TTC34: variants seen among roughly 807,000 people sequenced by gnomAD.
TTC34 encodes tetratricopeptide repeat protein 34.
Under a neutral mutation model 40.7 loss-of-function variants are expected in TTC34, and 44 were observed. The observed-to-expected ratio is 1.08, with a 90% CI of 0.85 to 1.39. TTC34 has a LOEUF of 1.39. TTC34 is among the 40% of genes most tolerant of loss of function. The probability of loss-of-function intolerance (pLI) is 0.00; values close to 1 mark genes in which losing one functional copy is unlikely to be tolerated. For synonymous variants in TTC34, 422 were observed against 398.6 expected, an observed-to-expected ratio of 1.06 and a Z score of -0.70; for missense variants, 884 against 838.0, an observed-to-expected ratio of 1.05 and a Z score of -0.68.
intron 6 of TTC34, among the ~76,000 whole-genome samples, chr1:2,772,643 AC>A (rs1216073397): frequency 6.6e-4 from 3 of 4,524 alleles, no homozygotes; most frequent in Non-Finnish European, 1.2e-3. Flanking sequence ...GTGGAACAGC[AC>A]CCCACACCCC....
At chr1:2,779,626 A>G (rs1557685408) in intron 6 of TTC34, among the ~76,000 whole-genome samples, 1 of 152,154 alleles carries the variant, frequency 6.6e-6, no homozygotes, top group Non-Finnish European at 1.5e-5. Flanking sequence ...CCCAGCTGGT[A>G]GTTCTATTTT....
At chr1:2,684,424 C>A (rs1293728397) in intron 6 of TTC34, among the ~76,000 whole-genome samples, 2 of 117,384 alleles carry the variant, frequency 1.7e-5, no homozygotes, top group South Asian at 5.5e-4. Context: ...CAGACTGGAA[C>A]ACCACCCTGC....
Position 2,677,902 on chromosome 1 carries a change from G to T in TTC34, c.2227-32339C>A. 5.3e-5 allele frequency among the ~76,000 whole-genome samples: 2 copies of T among 37,670 alleles called. 1 individual carries two copies. The allele number at this position is 37,670 out of a possible 152,430, so 24.7% of individuals were successfully genotyped here. A position where few individuals can be genotyped will look rare whatever the true frequency, so the allele number is the denominator to read the frequency against. ...GAACCGCAGCCACACCCCCAGGCGA[G>T]CATCTGACAGCCTGGAGCAGCACCC... On this transcript the variant is annotated intron_variant, in intron 6 of 8. Coordinates refer to ENST00000401095, the Ensembl canonical transcript of TTC34.
At chr1:2,799,543 C>CAA (rs915116071) in intron 2 of TTC34, among the ~76,000 whole-genome samples, 1 of 146,632 alleles carries the variant, frequency 6.8e-6, no homozygotes, top group East Asian at 2.0e-4. Context: ...AACTCCATCT[C>CAA]AAAAAAAAAA....
intron 6 of TTC34, among the ~76,000 whole-genome samples, chr1:2,684,324 G>T (rs1276110573): frequency 7.2e-6 from 1 of 138,184 alleles, no homozygotes; most frequent in African/African-American, 2.7e-5. Context: ...ACCCCCAAGT[G>T]AGCATCTGAT....
At chr1:2,790,568 C>T (rs1284553010) in intron 2 of TTC34, among the ~76,000 whole-genome samples, 1 of 152,232 alleles carries the variant, frequency 6.6e-6, no homozygotes, top group Non-Finnish European at 1.5e-5. Flanking sequence ...GGTTGAGAAC[C>T]GTGCTGGGCA....
intron 6 of TTC34, among the ~76,000 whole-genome samples, chr1:2,687,992 G>A (rs1570819567): frequency 1.0e-5 from 1 of 98,116 alleles, no homozygotes; most frequent in South Asian, 3.0e-4. Flanking sequence ...TGACAGCCTG[G>A]AACAGGACCC....
chr1:2,753,622 A>C (rs1641400598), intron 6 of TTC34, among the ~76,000 whole-genome samples: 28 of 101,448 alleles, frequency 2.8e-4, no homozygotes, highest in Admixed American at 3.9e-4. Context: ...CCACACCCAC[A>C]GGTGAGCTTC....
chr1:2,779,235 G>T (rs907824829), intron 6 of TTC34, among the ~76,000 whole-genome samples: 3 of 152,160 alleles, frequency 2.0e-5, no homozygotes, highest in Admixed American at 6.5e-5. Flanking sequence ...TATGAATATG[G>T]TGTACAAATG....
chr1:2,783,818 T>C, intron 5 of TTC34, 43 bp from the exon 6 acceptor site: 2 of 1,405,738 alleles, frequency 1.4e-6, no homozygotes, highest in Non-Finnish European at 1.9e-6. Flanking sequence ...CTATGCTGGG[T>C]CCCTTCCCCA....
Position 2,645,627 on chromosome 1 carries a change from A to G in TTC34, c.2227-64T>C. 1 of 1,406,796 alleles carries G rather than the reference A, an allele frequency of 7.1e-7. No individual in the cohort carries two copies. Among genetic ancestry groups the G allele is most frequent in the South Asian group, 1.5e-5 (1 of 65,736 alleles). 87.1% of individuals were successfully genotyped at this position (1,406,796 alleles called of 1,614,324 possible). Reference sequence around the variant, plus strand: ...AAGTAGAGAAACTGGGCAGAGGGTCAGAGTAGGAGGACTGGCTCTGTCTTT... The same window carrying G: ...AAGTAGAGAAACTGGGCAGAGGGTCGGAGTAGGAGGACTGGCTCTGTCTTT... On this transcript the variant is annotated intron_variant, in intron 6 of 8. Transcript: ENST00000401095. The surrounding 1 kb of genome is among the most constrained non-coding windows in gnomAD (Gnocchi z 4.7).
chr1:2,687,672 G>C (rs1180592333), intron 6 of TTC34, among the ~76,000 whole-genome samples: 1 of 151,602 alleles, frequency 6.6e-6, no homozygotes, highest in South Asian at 2.1e-4. Flanking sequence ...TGACAGGCTG[G>C]AGCAGCACGC....
chr1:2,688,089 C>A (rs528707681), intron 6 of TTC34, among the ~76,000 whole-genome samples: 3 of 152,138 alleles, frequency 2.0e-5, no homozygotes, highest in African/African-American at 7.2e-5. Context: ...ACCCTGCACC[C>A]CCAGGTGCGC....
At chr1:2,750,055 G>C (rs1641265077) in intron 6 of TTC34, among the ~76,000 whole-genome samples, 1 of 108,018 alleles carries the variant, frequency 9.3e-6, no homozygotes, top group Non-Finnish European at 1.7e-5. Flanking sequence ...CCTCAGGTGA[G>C]CATCTGACAG....
chr1:2,756,857 G>A (rs1641523759), intron 6 of TTC34, among the ~76,000 whole-genome samples: 2 of 150,714 alleles, frequency 1.3e-5, no homozygotes, highest in African/African-American at 4.9e-5. Context: ...GCCTGGGTCG[G>A]CACCCACACC....
chr1:2,683,611 C>A (rs1195153504), intron 6 of TTC34, among the ~76,000 whole-genome samples: 1 of 141,362 alleles, frequency 7.1e-6, no homozygotes, highest in Non-Finnish European at 1.5e-5. Context: ...GAGCATCTGA[C>A]ATCCTTCAGC....
intron 6 of TTC34, among the ~76,000 whole-genome samples, chr1:2,675,544 CCTGGAAG>C (rs1639878677): frequency 7.6e-6 from 1 of 132,046 alleles, no homozygotes; most frequent in African/African-American, 2.9e-5. Context: ...CACGTGACAG[CCTGGAAG>C]AGCACCCACA....
chr1:2,788,364 G>A (rs555339671), intron 3 of TTC34, among the ~76,000 whole-genome samples: 9 of 151,532 alleles, frequency 5.9e-5, no homozygotes, highest in African/African-American at 2.2e-4. Flanking sequence ...TGTGTGTGTT[G>A]TATGTGTGGT....
chr1:2,798,546 T>C (rs1315378001), intron 2 of TTC34, among the ~76,000 whole-genome samples: 92 of 23,490 alleles, frequency 3.9e-3, no homozygotes, highest in Admixed American at 7.5e-3. Context: ...TCTTAGCCCC[T>C]CAGCTCCCCA....
Sources: gnomAD v4.1 joint callset for allele counts (sites outside exome capture counted in the v4.1 genomes callset) on GRCh38, gnomAD v4.1.1 for gene constraint, Gnocchi (gnomAD v3.1) non-coding constraint, MANE v1.5 for transcripts, NCBI Gene and HGNC (gene_info 2026-07-23, HGNC 2026-07-21) for gene names.